SLC39A11: variants seen among roughly 807,000 people sequenced by gnomAD.
The protein encoded by SLC39A11 is zinc transporter ZIP11.
Under a neutral mutation model 36.1 loss-of-function variants are expected in SLC39A11, and 33 were observed. The ratio of observed to expected loss-of-function variants is 0.91; its 90% confidence interval spans 0.69 to 1.22. The LOEUF (loss-of-function observed/expected upper bound fraction) is 1.22, where lower values mean the gene tolerates loss of function less well. Ranked by LOEUF, SLC39A11 falls within the 50% of genes most tolerant of loss-of-function variation. The pLI, the probability that SLC39A11 is intolerant of heterozygous loss-of-function variation, is 0.00. For synonymous variants in SLC39A11, 166 were observed against 170.3 expected (o/e 0.97, Z 0.20); for missense variants, 432 against 430.3 (o/e 1.00, Z -0.03).
intron 4 of SLC39A11, among the ~76,000 whole-genome samples, chr17:72,979,651 C>A (rs1196129773): frequency 6.6e-6 from 1 of 152,162 alleles, no homozygotes; most frequent in Non-Finnish European, 1.5e-5. Context: ...CAGGCCCCTG[C>A]CTTGTCCCTA....
intron 7 of SLC39A11, among the ~76,000 whole-genome samples, chr17:72,683,799 C>A (rs909145053): frequency 3.3e-5 from 5 of 151,980 alleles, no homozygotes; most frequent in African/African-American, 9.7e-5. Context: ...TTAGACAGGT[C>A]CCCCGAGAGA....
intron 3 of SLC39A11, among the ~76,000 whole-genome samples, chr17:73,052,724 A>C (rs1341115054): frequency 6.6e-6 from 1 of 152,148 alleles, no homozygotes; most frequent in East Asian, 1.9e-4. Context: ...GTAGAGAATT[A>C]GTGGTTTTAT....
chr17:73,065,936 G>A lies in SLC39A11; in HGVS notation c.147+18872C>T, dbSNP rs138618680. Among the ~76,000 whole-genome samples, 366 of 152,270 alleles carry A rather than the reference G, an allele frequency of 2.4e-3. 2 individuals carry two copies. The highest frequency in any genetic ancestry group is 6.8e-3 in the East Asian group (35 of 5,174). On this transcript the variant is annotated intron_variant, in intron 3 of 9. Transcript: ENST00000255559. ...CAAGACAAAGGGGAAGCCCAGTGTC[G>A]GGATCAAGTGACAGCTGAGAATGGC...
chr17:72,912,311 A>G (rs1301469886), intron 5 of SLC39A11, among the ~76,000 whole-genome samples: 2 of 152,020 alleles, frequency 1.3e-5, no homozygotes, highest in Non-Finnish European at 2.9e-5. Context: ...ACCAAGCAGG[A>G]GGCATTACAA....
At chr17:72,727,678 A>C (rs1007225275) in intron 7 of SLC39A11, among the ~76,000 whole-genome samples, 56 of 151,612 alleles carry the variant, frequency 3.7e-4, no homozygotes, top group Non-Finnish European at 5.9e-4. Flanking sequence ...AAAAAGAAAG[A>C]AGCAAGCTGT....
At chr17:72,670,225 G>A (rs1420007020) in intron 7 of SLC39A11, among the ~76,000 whole-genome samples, 2 of 142,266 alleles carry the variant, frequency 1.4e-5, no homozygotes, top group South Asian at 2.2e-4. Context: ...ATATATATAT[G>A]CCAGGCATGG....
chr17:72,861,664 TATATATATATATATATATATATATAAA>T lies in SLC39A11; in HGVS notation c.431-11887_431-11861del, dbSNP rs1226523793. Among the ~76,000 whole-genome samples, 191 of 101,080 alleles carry T rather than the reference TATATATATATATATATATATATATAAA, an allele frequency of 1.9e-3. 4 individuals carry two copies. The highest frequency in any genetic ancestry group is 7.1e-3 in the African/African-American group (176 of 24,704). 66.3% of individuals were successfully genotyped at this position (101,080 alleles called of 152,430 possible). A position where few individuals can be genotyped will look rare whatever the true frequency, so the allele number is the denominator to read the frequency against. On this transcript the variant is annotated intron_variant, in intron 5 of 9. Coordinates refer to ENST00000255559, the MANE Select transcript of SLC39A11 (RefSeq NM_139177.4). Reference sequence around the variant, plus strand: ...CCATCTATATACAACACATTATATATATATATATATATATATATATATATAAAATATATATATTGGATATATATAGGA... The same window carrying T: ...CCATCTATATACAACACATTATATATATATATATATTGGATATATATAGGA...
At chr17:72,668,644 G>T (rs893441010) in intron 7 of SLC39A11, among the ~76,000 whole-genome samples, 2 of 152,208 alleles carry the variant, frequency 1.3e-5, no homozygotes, top group African/African-American at 4.8e-5. Context: ...TGGGCATGAA[G>T]GAAGGAGAAA....
At chr17:72,775,149 C>T (rs2076090890) in intron 6 of SLC39A11, among the ~76,000 whole-genome samples, 2 of 152,162 alleles carry the variant, frequency 1.3e-5, no homozygotes, top group Admixed American at 6.5e-5. Flanking sequence ...GCCCCAAGAC[C>T]TCCCACTGTG....
At chr17:72,842,301 A>G (rs1306714516) in intron 6 of SLC39A11, among the ~76,000 whole-genome samples, 1 of 152,204 alleles carries the variant, frequency 6.6e-6, no homozygotes, top group African/African-American at 2.4e-5. Flanking sequence ...AAATGAAATT[A>G]ATAATAAATA....
intron 7 of SLC39A11, among the ~76,000 whole-genome samples, chr17:72,653,268 C>T (rs1054029411): frequency 6.6e-6 from 1 of 151,260 alleles, no homozygotes; most frequent in African/African-American, 2.4e-5. Flanking sequence ...CCACACCCCC[C>T]TATTTTTTTT....
At chr17:72,688,704 T>C (rs930043124) in intron 7 of SLC39A11, among the ~76,000 whole-genome samples, 1 of 152,220 alleles carries the variant, frequency 6.6e-6, no homozygotes, top group African/African-American at 2.4e-5. Context: ...GCAAACTTAA[T>C]GTAGCAGCAG....
intron 6 of SLC39A11, among the ~76,000 whole-genome samples, chr17:72,815,286 T>A (rs2077546685): frequency 6.6e-6 from 1 of 152,168 alleles, no homozygotes; most frequent in African/African-American, 2.4e-5. Flanking sequence ...AAAATCAAGC[T>A]GTTATGATTT....
intron 5 of SLC39A11, among the ~76,000 whole-genome samples, chr17:72,864,720 C>A (rs556040262): frequency 6.6e-6 from 1 of 152,292 alleles, no homozygotes; most frequent in Non-Finnish European, 1.5e-5. Context: ...TCCCTCCCTG[C>A]CTAAGAGCCC....
chr17:72,869,648 C>G (rs2080502232), intron 5 of SLC39A11, among the ~76,000 whole-genome samples: 1 of 152,156 alleles, frequency 6.6e-6, no homozygotes, highest in African/African-American at 2.4e-5. Flanking sequence ...CTCGGCCTCC[C>G]AAAGTGCTGG....
chr17:73,044,994 T>C (rs1301168648), intron 3 of SLC39A11, among the ~76,000 whole-genome samples: 1 of 151,890 alleles, frequency 6.6e-6, no homozygotes, highest in East Asian at 1.9e-4. Context: ...GCATATTGTA[T>C]ATGTATTAGA....
chr17:72,951,350 G>A (rs992955156), intron 4 of SLC39A11, among the ~76,000 whole-genome samples: 4 of 151,178 alleles, frequency 2.6e-5, no homozygotes, highest in East Asian at 2.0e-4. Context: ...CAATCAGGAC[G>A]CCATAGCTCC....
At chr17:72,677,063 G>A (rs923976910) in intron 7 of SLC39A11, among the ~76,000 whole-genome samples, 4 of 152,204 alleles carry the variant, frequency 2.6e-5, no homozygotes, top group African/African-American at 9.7e-5. Context: ...GTGAGTCCTT[G>A]TAAAATCACC....
chr17:72,953,250 C>T (rs1162655082), intron 4 of SLC39A11, among the ~76,000 whole-genome samples: 1 of 151,950 alleles, frequency 6.6e-6, no homozygotes, highest in Admixed American at 6.6e-5. Flanking sequence ...TCGGAATAAA[C>T]AGAGCAACTT....
Sources: gnomAD v4.1 joint callset for allele counts (sites outside exome capture counted in the v4.1 genomes callset) on GRCh38, gnomAD v4.1.1 for gene constraint, MANE v1.5 for transcripts, NCBI Gene and HGNC (gene_info 2026-07-23, HGNC 2026-07-21) for gene names.